LRRC69: variants seen among roughly 807,000 people sequenced by gnomAD.
The protein encoded by LRRC69 is leucine rich repeat containing 69, also known as leucine-rich repeat-containing protein 69.
In LRRC69, 42 loss-of-function variants were observed where a neutral mutation model predicts 37.8. The ratio of observed to expected loss-of-function variants is 1.11; its 90% CI spans 0.87 to 1.44. LRRC69 has a LOEUF of 1.44. LRRC69 is among the 40% of genes most tolerant of loss of function. LRRC69 has a pLI of 0.00. For missense variants in LRRC69, 357 were observed against 401.9 expected, an observed-to-expected ratio of 0.89 and a Z score of 0.96; for synonymous variants, 141 against 143.1, an observed-to-expected ratio of 0.99 and a Z score of 0.11.
chr8:91,132,835 A>C (rs1322901705), intron 3 of LRRC69, among the ~76,000 whole-genome samples: 2 of 151,992 alleles, frequency 1.3e-5, no homozygotes, highest in Admixed American at 6.6e-5. Context: ...TGTATAAAGA[A>C]AGGAAATATA....
chr8:91,183,156 G>A (rs1809351502), intron 5 of LRRC69, among the ~76,000 whole-genome samples: 1 of 152,188 alleles, frequency 6.6e-6, no homozygotes, highest in South Asian at 2.1e-4. Flanking sequence ...TGTAGGGCAT[G>A]CTGAGGATTT....
chr8:91,123,654 A>G (rs541081518), intron 1 of LRRC69, among the ~76,000 whole-genome samples: 18 of 152,090 alleles, frequency 1.2e-4, no homozygotes, highest in African/African-American at 4.3e-4. Context: ...GGCCCTTACT[A>G]TTAAAATTCT....
chr8:91,129,233 G>T (rs1456435581), intron 3 of LRRC69, among the ~76,000 whole-genome samples: 3 of 152,008 alleles, frequency 2.0e-5, no homozygotes, highest in Non-Finnish European at 2.9e-5. Context: ...GAGAGAGAGA[G>T]CAAGGGACTA....
chr8:91,190,953 G>A (rs568254253), intron 6 of LRRC69, among the ~76,000 whole-genome samples: 1 of 151,784 alleles, frequency 6.6e-6, no homozygotes, highest in Non-Finnish European at 1.5e-5. Flanking sequence ...CTACTCAGGA[G>A]GCTTGAGCCC....
chr8:91,145,586 T>G (rs997789271), intron 5 of LRRC69, among the ~76,000 whole-genome samples: 1 of 151,926 alleles, frequency 6.6e-6, no homozygotes, highest in Non-Finnish European at 1.5e-5. Context: ...GCTCAGTTTA[T>G]TAGGAGCCAT....
At chr8:91,217,197 T>G (rs557808210) in intron 7 of LRRC69, among the ~76,000 whole-genome samples, 5 of 152,274 alleles carry the variant, frequency 3.3e-5, no homozygotes, top group Non-Finnish European at 4.4e-5. Context: ...AGCCTGACAC[T>G]TTGCCTAATG....
chr8:91,121,010 C>T (rs867156547), intron 1 of LRRC69, among the ~76,000 whole-genome samples: 10 of 152,010 alleles, frequency 6.6e-5, no homozygotes, highest in African/African-American at 2.4e-4. Flanking sequence ...CAAACCTGCC[C>T]TTGTCCCAGT....
At chr8:91,176,827 C>G (rs976306419) in intron 5 of LRRC69, among the ~76,000 whole-genome samples, 1 of 152,136 alleles carries the variant, frequency 6.6e-6, no homozygotes, top group Non-Finnish European at 1.5e-5. Context: ...TCATTCAGTT[C>G]ATCAATTGCT....
At chr8:91,106,214 C>A (rs1272267372) in intron 1 of LRRC69, among the ~76,000 whole-genome samples, 1 of 151,956 alleles carries the variant, frequency 6.6e-6, no homozygotes, top group Non-Finnish European at 1.5e-5. Context: ...TATAGTCATA[C>A]CGTTTATCAG....
chr8:91,156,477 C>CAGTGTATGTTCCTGGCACCT, intron 5 of LRRC69, among the ~76,000 whole-genome samples: 1 of 150,904 alleles, frequency 6.6e-6, no homozygotes, highest in South Asian at 2.1e-4. Context: ...ATATTAATCA[C>CAGTGTATGTTCCTGGCACCT]TTGTAGGATG....
At chr8:91,150,985 T>C (rs1808725680) in intron 5 of LRRC69, among the ~76,000 whole-genome samples, 1 of 151,972 alleles carries the variant, frequency 6.6e-6, no homozygotes, top group African/African-American at 2.4e-5. Context: ...TTTTTTTCTT[T>C]ATTAGTCTTG....
intron 5 of LRRC69, among the ~76,000 whole-genome samples, chr8:91,183,449 G>T (rs1809355794): frequency 6.6e-6 from 1 of 152,112 alleles, no homozygotes; most frequent in Admixed American, 6.6e-5. Flanking sequence ...TTTTCTATGG[G>T]CTGAGATAGA....
chr8:91,196,532 G>C (rs947527776), intron 6 of LRRC69, among the ~76,000 whole-genome samples: 12 of 152,066 alleles, frequency 7.9e-5, no homozygotes, highest in Non-Finnish European at 1.3e-4. Context: ...TTCTTGGAGG[G>C]TTTGCTCATT....
At position 91,204,122 on chromosome 8, in the gene LRRC69, A is replaced by C. The variant is rs917559870; in HGVS notation, c.933+3330A>C. 4.9e-4 allele frequency among the ~76,000 whole-genome samples: 62 copies of C among 125,414 alleles called. 1 individual carries two copies. Among genetic ancestry groups the C allele is most frequent in the African/African-American group, 2.0e-3 (60 of 30,340 alleles). The allele number at this position is 125,414 out of a possible 152,430, so 82.3% of individuals were successfully genotyped here. ...GGGCAACAGAGAAAGACTCCATCTC[A>C]AAAAAAAAAAAAAAAAAAAGATTTC... On this transcript the variant is annotated intron_variant, in intron 7 of 7. Transcript: ENST00000448384.
chr8:91,180,440 G>A (rs918302228), intron 5 of LRRC69, among the ~76,000 whole-genome samples: 4 of 149,598 alleles, frequency 2.7e-5, no homozygotes, highest in African/African-American at 7.5e-5. Context: ...GAATAAGCAG[G>A]AATTGCAATA....
chr8:91,102,650 T>G (rs780478434), upstream of LRRC69: 16 of 1,542,888 alleles, frequency 1.0e-5, no homozygotes, highest in African/African-American at 2.2e-4. Flanking sequence ...TTTCTACTTC[T>G]TTTCCAAGAT....
At chr8:91,200,294 G>A (rs1392372152) in intron 6 of LRRC69, among the ~76,000 whole-genome samples, 1 of 152,208 alleles carries the variant, frequency 6.6e-6, no homozygotes, top group East Asian at 1.9e-4. Flanking sequence ...TTATTGTAAT[G>A]AGAGGTGCCA....
intron 5 of LRRC69, among the ~76,000 whole-genome samples, chr8:91,148,144 C>T (rs1466790293): frequency 3.3e-5 from 5 of 151,604 alleles, no homozygotes; most frequent in Admixed American, 6.6e-5. Flanking sequence ...AGGTTAGTTA[C>T]ATATGTATAC....
intron 5 of LRRC69, among the ~76,000 whole-genome samples, chr8:91,156,680 C>G (rs1325118557): frequency 6.6e-6 from 1 of 150,786 alleles, no homozygotes; most frequent in Non-Finnish European, 1.5e-5. Flanking sequence ...GAGTCTTACC[C>G]ACAAAATCTT....
Sources: gnomAD v4.1 joint callset for allele counts (sites outside exome capture counted in the v4.1 genomes callset) on GRCh38, gnomAD v4.1.1 for gene constraint, MANE v1.5 for transcripts, NCBI Gene and HGNC (gene_info 2026-07-23, HGNC 2026-07-21) for gene names.